The following NEIL3 variants were observed in gnomAD, a reference collection of about 807,000 sequenced individuals.
NEIL3 encodes endonuclease 8-like 3.
Under a neutral mutation model 57.5 loss-of-function variants are expected in NEIL3, and 48 were observed. That is an observed-to-expected ratio of 0.83 (90% CI 0.66 to 1.06). The LOEUF is 1.06. Ranked by LOEUF, NEIL3 falls within the 50% of genes least tolerant of loss-of-function variation. The pLI is 0.00. For synonymous variants in NEIL3, 261 were observed against 253.2 expected (o/e 1.03, Z -0.29); for missense variants, 717 against 739.1 (o/e 0.97, Z 0.35).
At chr4:177,369,808 AACAGT>A in the NEIL3 span, among the ~76,000 whole-genome samples, 15 of 152,202 alleles carry the variant, frequency 9.9e-5, no homozygotes, top group African/African-American at 3.6e-4. Context: ...TGGTGACAAT[AACAGT>A]ACAGTTCTTA....
At chr4:177,358,839 A>G (rs952833011) in intron 8 of NEIL3, among the ~76,000 whole-genome samples, 5 of 152,234 alleles carry the variant, frequency 3.3e-5, no homozygotes, top group Non-Finnish European at 7.3e-5. Context: ...CCGTTATCCA[A>G]AACAGCCGCC....
Position 177,341,641 on chromosome 4 carries a change from T to C in NEIL3, c.868T>C (p.Cys290Arg). Residue 290 changes from cysteine (C) to arginine (R), a missense_variant and splice_region_variant, in exon 6 of 10, where the codon TGC becomes CGC. Transcript: ENST00000264596. ...AGAAAATCCTCAACATGTTGACATA[T>C]GGTAAGATATTGAATTTAAAGGGAT... Reference protein sequence around the residue: ...QKENPQHVDICKLPTRNTIIS... With the variant: ...QKENPQHVDIRKLPTRNTIIS... 2 of 1,611,748 alleles carry C rather than the reference T, an allele frequency of 1.2e-6. No homozygotes were observed. Among genetic ancestry groups the C allele is most frequent in the South Asian group, 1.1e-5 (1 of 90,668 alleles).
chr4:177,323,057 G>C (rs1734717643), intron 2 of NEIL3, among the ~76,000 whole-genome samples: 1 of 152,144 alleles, frequency 6.6e-6, no homozygotes, highest in Non-Finnish European at 1.5e-5. Context: ...AGAAATAACA[G>C]GTTCTCCATT....
chr4:177,347,401 CCTTTG>C (rs1735245594), intron 6 of NEIL3, among the ~76,000 whole-genome samples: 1 of 151,976 alleles, frequency 6.6e-6, no homozygotes. Flanking sequence ...GACTGGGGAG[CCTTTG>C]GAGGGTTTTG....
intron 6 of NEIL3, among the ~76,000 whole-genome samples, chr4:177,347,582 C>T (rs989933352): frequency 2.0e-5 from 3 of 152,122 alleles, no homozygotes; most frequent in African/African-American, 4.8e-5. Flanking sequence ...GGAATAGAGA[C>T]GGTCATGGAA....
chr4:177,322,433 A>G (rs1342683888), intron 1 of NEIL3, 26 bp from the exon 2 acceptor site: 1 of 1,613,240 alleles, frequency 6.2e-7, no homozygotes, highest in Non-Finnish European at 8.5e-7. Flanking sequence ...GTGTGTGCTT[A>G]TGTGTGTACA....
At chr4:177,343,862 G>T (rs1337490552) in intron 6 of NEIL3, 2 of 151,308 alleles carry the variant, frequency 1.3e-5, no homozygotes, top group African/African-American at 4.9e-5. Context: ...TATAATATAG[G>T]TATACATTTA....
In NEIL3 at chr4:177,353,412, A is replaced by T. The variant is rs1362037105; in HGVS notation, c.1144A>T (p.Lys382Ter). ...TCATACAGAAGTCAAGATCAACAGAAAAACTGCATTTGGAACTACAACTCT... is the reference window on the plus strand; with the variant it reads ...TCATACAGAAGTCAAGATCAACAGATAAACTGCATTTGGAACTACAACTCT... ...KPHTEVKINR[K>*]TAFGTTTLVL... Residue 382 changes from lysine to a stop codon, truncating the protein, a stop_gained, in exon 8 of 10, where the codon AAA (lysine) becomes TAA (stop). Transcript: ENST00000264596. LOFTEE classifies it high-confidence loss of function. 6.2e-7 allele frequency: 1 copy of T among 1,613,782 alleles called. No individual in the cohort carries two copies. Among genetic ancestry groups the T allele is most frequent in the African/African-American group, 1.3e-5 (1 of 74,898 alleles).
intron 5 of NEIL3, among the ~76,000 whole-genome samples, 161 bp from the exon 6 acceptor site, chr4:177,341,315 C>T (rs1735086131): frequency 6.6e-6 from 1 of 152,026 alleles, no homozygotes; most frequent in African/African-American, 2.4e-5. Flanking sequence ...CTTGTCAATA[C>T]CTTTTTCTCT....
At chr4:177,343,406 G>A (rs530154802) in intron 6 of NEIL3, 12 of 152,342 alleles carry the variant, frequency 7.9e-5, no homozygotes, top group African/African-American at 2.9e-4. Context: ...AAGTGGGCAG[G>A]AAAGAAAAAG....
rs1213192574 is a variant in NEIL3, at chr4:177,310,075, G to A, written c.122G>A (p.Arg41Gln). Residue 41 changes from arginine (R) to glutamine (Q), a missense_variant, in exon 1 of 10, where the codon CGG becomes CAG. Physicochemically the swap from Arg to Gln is conservative, Grantham distance 43. Transcript: ENST00000264596. Reference protein sequence around the residue: ...ALRSLQGRALRLAASTVVVSP... With the variant: ...ALRSLQGRALQLAASTVVVSP... ...CGGAGTCTGCAGGGCCGCGCCTTGC[G>A]GCTCGCAGCCTCCACGGTTGTGGTC... 3.1e-6 allele frequency: 5 copies of A among 1,597,580 alleles called. No individual in the cohort carries two copies. The Admixed American group carries it at 6.9e-5, about 22-fold the overall frequency.
intron 9 of NEIL3, among the ~76,000 whole-genome samples, chr4:177,361,781 G>GT (rs904473696): frequency 5.3e-5 from 8 of 151,720 alleles, no homozygotes; most frequent in South Asian, 2.1e-4. Flanking sequence ...ATCTTACAGG[G>GT]TTTTTTTTGT....
chr4:177,309,982 A>C lies in NEIL3; in HGVS notation c.29A>C (p.Asn10Thr), dbSNP rs529938245. Residue 10 changes from asparagine to threonine, a missense_variant, in exon 1 of 10, where the codon AAT becomes ACT. Asn to Thr is a moderately conservative substitution (Grantham distance 65, BLOSUM62 0). Transcript: ENST00000264596. ...GTGGAAGGACCAGGCTGTACTCTGA[A>C]TGGAGAGAAGATTCGCGCGCGGGTG... The part of the protein sequence containing the change: MVEGPGCTL[N>T]GEKIRARVLP... 69 of 1,610,248 alleles carry C rather than the reference A, an allele frequency of 4.3e-5. No homozygotes were observed. Among genetic ancestry groups the C allele is most frequent in the Non-Finnish European group, 5.8e-5 (68 of 1,178,722 alleles).
At chr4:177,367,191 G>GT (rs1735703027), downstream of NEIL3, among the ~76,000 whole-genome samples, 1 of 135,524 alleles carries the variant, frequency 7.4e-6, no homozygotes, top group Non-Finnish European at 1.6e-5. Flanking sequence ...TGTTTTCCTG[G>GT]TTTTCAGCTT....
intron 8 of NEIL3, among the ~76,000 whole-genome samples, chr4:177,358,309 T>C (rs1263495507): frequency 6.6e-6 from 1 of 151,464 alleles, no homozygotes; most frequent in Non-Finnish European, 1.5e-5. Flanking sequence ...TTGTTGTTTT[T>C]TGTTTTTTGT....
At chr4:177,318,481 G>T (rs942787313) in intron 1 of NEIL3, among the ~76,000 whole-genome samples, 7 of 152,194 alleles carry the variant, frequency 4.6e-5, no homozygotes, top group African/African-American at 1.7e-4. Context: ...TAATGGGGCA[G>T]TTGTCTTCAT....
At position 177,362,571 on chromosome 4, in the gene NEIL3, A is replaced by G; in HGVS notation, c.*100A>G. On this transcript the variant is annotated 3_prime_UTR_variant, in exon 10 of 10. Transcript: ENST00000264596. ...GTCATAGAATATCTATGATACATTG[A>G]AAAGTTACTGCAATATTTGAGAACT... 1.2e-6 allele frequency: 1 copy of G among 867,074 alleles called. No individual in the cohort carries two copies. The highest frequency in any genetic ancestry group is 1.7e-6 in the Non-Finnish European group (1 of 585,816). The allele number at this position is 867,074 out of a possible 1,614,324, so 53.7% of individuals were successfully genotyped here. A position where few individuals can be genotyped will look rare whatever the true frequency, so the allele number is the denominator to read the frequency against.
intron 4 of NEIL3, among the ~76,000 whole-genome samples, chr4:177,337,595 G>A (rs1735002256): frequency 6.6e-6 from 1 of 152,162 alleles, no homozygotes; most frequent in Non-Finnish European, 1.5e-5. Flanking sequence ...AGAGAACCCA[G>A]GGTATTGTTG....
intron 2 of NEIL3, among the ~76,000 whole-genome samples, chr4:177,333,099 A>C: frequency 6.6e-6 from 1 of 151,892 alleles, no homozygotes. Context: ...CATAGGTTTT[A>C]CAACTATTAT....
Sources: allele counts gnomAD v4.1 joint callset (sites outside exome capture counted in the v4.1 genomes callset), GRCh38; gene constraint gnomAD v4.1.1; transcripts MANE v1.5; gene names NCBI Gene and HGNC (gene_info 2026-07-23, HGNC 2026-07-21).